ADAMTS12: variants seen among roughly 807,000 people sequenced by gnomAD.
ADAMTS12 encodes A disintegrin and metalloproteinase with thrombospondin motifs 12.
Under a neutral mutation model 167.8 loss-of-function variants are expected in ADAMTS12, and 118 were observed. The observed-to-expected ratio is 0.70, with a 90% CI of 0.61 to 0.82. The LOEUF is 0.82. Ranked by LOEUF, ADAMTS12 falls within the 40% of genes least tolerant of loss-of-function variation. The probability of loss-of-function intolerance (pLI) is 0.00; values close to 1 mark genes in which losing one functional copy is unlikely to be tolerated. For synonymous variants in ADAMTS12, 704 were observed against 716.9 expected (o/e 0.98, Z 0.29); for missense variants, 1,916 against 1,998.8 (o/e 0.96, Z 0.79).
At chr5:33,762,765 A>G (rs1745402733) in intron 2 of ADAMTS12, among the ~76,000 whole-genome samples, 1 of 152,204 alleles carries the variant, frequency 6.6e-6, no homozygotes, top group South Asian at 2.1e-4. Flanking sequence ...ATCTTCAGTA[A>G]ACTATTCATT....
chr5:33,699,173 AAAAT>A (rs1473598537), intron 3 of ADAMTS12, among the ~76,000 whole-genome samples: 2 of 152,162 alleles, frequency 1.3e-5, no homozygotes, highest in African/African-American at 4.8e-5. Flanking sequence ...ATAAAAAATA[AAAAT>A]AAATAAAAAT....
intron 2 of ADAMTS12, among the ~76,000 whole-genome samples, chr5:33,831,755 T>C (rs917712219): frequency 6.6e-6 from 1 of 152,190 alleles, no homozygotes. Context: ...TTTATGATTA[T>C]TATCCCTCCT....
intron 2 of ADAMTS12, 65 bp downstream of exon 2, chr5:33,881,054 T>A (rs774694735): frequency 1.4e-4 from 223 of 1,562,144 alleles, no homozygotes; most frequent in Non-Finnish European, 1.6e-4. Flanking sequence ...CTGTTGGTAG[T>A]AGGTCTACCA....
intron 2 of ADAMTS12, among the ~76,000 whole-genome samples, chr5:33,808,141 C>T (rs572882221): frequency 3.3e-4 from 50 of 152,188 alleles, no homozygotes; most frequent in Non-Finnish European, 6.8e-4. Context: ...GAAAGAAGGA[C>T]TTCTCTTCGG....
chr5:33,716,480 T>A (rs1451337289), intron 3 of ADAMTS12, among the ~76,000 whole-genome samples: 1 of 152,134 alleles, frequency 6.6e-6, no homozygotes, highest in Non-Finnish European at 1.5e-5. Flanking sequence ...AGCAATCTTA[T>A]TGCAGTTTCT....
chr5:33,803,698 T>C (rs1347774546), intron 2 of ADAMTS12, among the ~76,000 whole-genome samples: 1 of 152,142 alleles, frequency 6.6e-6, no homozygotes, highest in East Asian at 1.9e-4. Flanking sequence ...TGGGGAGGCC[T>C]CACAATCATG....
Position 33,561,961 on chromosome 5 carries a change from T to C in ADAMTS12, c.3973-782A>G, listed in dbSNP as rs146674397. On this transcript the variant is annotated intron_variant, in intron 19 of 23. Transcript: ENST00000504830. ...TTCTCTCCATGACAAACCTGAGTTG[T>C]AGTCTGGTATCATTATGGTGTAGAT... Among the ~76,000 whole-genome samples, 8 of 152,268 alleles carry C rather than the reference T, an allele frequency of 5.3e-5. No homozygotes were observed. The East Asian group carries it at 1.5e-3, about 29-fold the overall frequency.
intron 21 of ADAMTS12, among the ~76,000 whole-genome samples, chr5:33,546,429 A>T (rs1475383525): frequency 3.3e-5 from 5 of 152,188 alleles, no homozygotes; most frequent in Non-Finnish European, 5.9e-5. Context: ...ATATTGATGA[A>T]GCAAATCCTG....
At chr5:33,742,478 G>A (rs1416354556) in intron 3 of ADAMTS12, among the ~76,000 whole-genome samples, 1 of 152,122 alleles carries the variant, frequency 6.6e-6, no homozygotes, top group Non-Finnish European at 1.5e-5. Context: ...ATTAATTGCT[G>A]TCTAAGAACA....
intron 19 of ADAMTS12, among the ~76,000 whole-genome samples, chr5:33,562,926 C>T (rs1431393692): frequency 6.6e-6 from 1 of 152,020 alleles, no homozygotes; most frequent in Admixed American, 6.5e-5. Flanking sequence ...GTCACCACGC[C>T]TGGCCTTCAC....
intron 20 of ADAMTS12, among the ~76,000 whole-genome samples, chr5:33,559,416 T>C (rs79177626): frequency 0.066 from 10,041 of 152,128 alleles, 1,078 homozygotes; most frequent in African/African-American, 0.23. Context: ...CAAGAACTGG[T>C]TAAGCCCTAG....
chr5:33,541,905 C>CG (rs1351329813), intron 22 of ADAMTS12, among the ~76,000 whole-genome samples: 3 of 151,414 alleles, frequency 2.0e-5, no homozygotes, highest in Admixed American at 6.6e-5. Flanking sequence ...TAAAGACCAT[C>CG]AATGCTAGGA....
Position 33,527,085 on chromosome 5 carries a change from T to C in ADAMTS12, c.*103A>G. 7.0e-7 allele frequency: 1 copy of C among 1,423,778 alleles called. No homozygotes were observed. The highest frequency in any genetic ancestry group is 2.3e-5 in the East Asian group (1 of 43,568). 88.2% of individuals were successfully genotyped at this position (1,423,778 alleles called of 1,614,324 possible). Reference sequence around the variant, plus strand: ...TTTCATCATGACCCAAAGCTGAATCTGAAATATATGAAGCAAAACCTCAAC... The same window carrying C: ...TTTCATCATGACCCAAAGCTGAATCCGAAATATATGAAGCAAAACCTCAAC... On this transcript the variant is annotated 3_prime_UTR_variant, in exon 24 of 24. Transcript: ENST00000504830.
At chr5:33,536,522 A>T (rs900195578) in intron 22 of ADAMTS12, among the ~76,000 whole-genome samples, 2 of 152,076 alleles carry the variant, frequency 1.3e-5, no homozygotes, top group African/African-American at 4.8e-5. Context: ...CCTTCTGCCT[A>T]TTTAGTGGAG....
At chr5:33,550,121 G>A (rs1213145062) in intron 20 of ADAMTS12, among the ~76,000 whole-genome samples, 1 of 152,140 alleles carries the variant, frequency 6.6e-6, no homozygotes, top group African/African-American at 2.4e-5. Flanking sequence ...CACCCCTTGT[G>A]CAGCAGCCCA....
At chr5:33,847,493 C>T (rs1427785885) in intron 2 of ADAMTS12, among the ~76,000 whole-genome samples, 4 of 152,064 alleles carry the variant, frequency 2.6e-5, no homozygotes, top group African/African-American at 4.8e-5. Context: ...CAAGGTGGCA[C>T]ATGCCTATAA....
intron 2 of ADAMTS12, among the ~76,000 whole-genome samples, chr5:33,825,265 A>G (rs1748018354): frequency 6.6e-6 from 1 of 152,206 alleles, no homozygotes; most frequent in African/African-American, 2.4e-5. Context: ...ATGTATGAAG[A>G]GTCAAGTCAT....
chr5:33,825,953 C>T (rs1275625935), intron 2 of ADAMTS12, among the ~76,000 whole-genome samples: 1 of 152,162 alleles, frequency 6.6e-6, no homozygotes, highest in Non-Finnish European at 1.5e-5. Context: ...CAGCTCACCT[C>T]TGCAAATTGA....
At chr5:33,623,285 T>C (rs1376401619) in intron 14 of ADAMTS12, among the ~76,000 whole-genome samples, 1 of 152,184 alleles carries the variant, frequency 6.6e-6, no homozygotes, top group Non-Finnish European at 1.5e-5. Context: ...TAGTGCATGA[T>C]GGATTCCCTA....
Sources: gnomAD v4.1 joint callset for allele counts (sites outside exome capture counted in the v4.1 genomes callset) on GRCh38, gnomAD v4.1.1 for gene constraint, MANE v1.5 for transcripts, NCBI Gene and HGNC (gene_info 2026-07-23, HGNC 2026-07-21) for gene names.